Variants in RPUSD3 observed in about 807,000 individuals in gnomAD.
RPUSD3 encodes the protein mitochondrial mRNA pseudouridine synthase RPUSD3.
RPUSD3 carries 36 observed loss-of-function variants against 35.1 expected under a neutral mutation model. The ratio of observed to expected loss-of-function variants is 1.02; its 90% CI spans 0.79 to 1.35. RPUSD3 has a LOEUF of 1.35. Ranked by LOEUF, RPUSD3 falls within the 40% of genes most tolerant of loss-of-function variation. RPUSD3 has a pLI of 0.00. For missense variants in RPUSD3, 486 were observed against 441.9 expected, an observed-to-expected ratio of 1.10 and a Z score of -0.89; for synonymous variants, 202 against 187.8, an observed-to-expected ratio of 1.08 and a Z score of -0.62.
exon 9 of RPUSD3, chr3:9,838,102 C>T (rs529712350): frequency 6.2e-7 from 1 of 1,612,578 alleles, no homozygotes; most frequent in South Asian, 1.1e-5. Flanking sequence ...GTGTCCCTGG[C>T]CCTGGTGCCT....
chr3:9,842,469 C>T (rs1487727962), intron 2 of RPUSD3: 2 of 594,910 alleles, frequency 3.4e-6, no homozygotes, highest in East Asian at 2.8e-5. Flanking sequence ...GGTCTGGCTC[C>T]CTATCATCTT....
At chr3:9,838,203 A>G (rs138227977) in exon 9 of RPUSD3, 1 of 1,611,818 alleles carries the variant, frequency 6.2e-7, no homozygotes, top group African/African-American at 1.3e-5. Flanking sequence ...GGCTTCATCC[A>G]GGACCTGGAG....
intron 2 of RPUSD3, chr3:9,842,486 A>C (rs897040624): frequency 8.6e-6 from 5 of 581,654 alleles, no homozygotes; most frequent in Non-Finnish European, 1.5e-5. Context: ...TCTTGGCTCA[A>C]ATGTCACATC....
chr3:9,839,596 T>A (rs1188215484), intron 7 of RPUSD3: 1 of 155,914 alleles, frequency 6.4e-6, no homozygotes, highest in Non-Finnish European at 1.4e-5. Context: ...TTTTTTTTTT[T>A]AGCCAGCGTT....
intron 7 of RPUSD3, 40 bp from the exon 8 acceptor site, chr3:9,839,211 C>A: frequency 6.3e-7 from 1 of 1,587,820 alleles, no homozygotes. Flanking sequence ...TGGGCAGCTA[C>A]TCGTTCTGTG....
rs927252999 is a variant in RPUSD3, at chr3:9,838,261, T to C, written c.865-54A>G. On this transcript the variant is annotated intron_variant, in intron 8 of 8. Transcript: ENST00000383820. Reference sequence around the variant, plus strand: ...GCCCCACATTTTCCAAGCAGCTGAGTACCCAGCTCTAAGGGAAATGGGAGT... The same window carrying C: ...GCCCCACATTTTCCAAGCAGCTGAGCACCCAGCTCTAAGGGAAATGGGAGT... The C allele has an allele frequency of 3.2e-6, 5 of 1,575,946 alleles. No homozygotes were observed. The African/African-American group carries it at 6.8e-5, about 21-fold the overall frequency.
chr3:9,843,460 C>T lies in RPUSD3; in HGVS notation c.262+5G>A, dbSNP rs373843187. On this transcript the variant is annotated splice_donor_5th_base_variant and intron_variant, in intron 2 of 8. Coordinates refer to ENST00000383820, the Ensembl canonical transcript of RPUSD3. ...CCTTGTGCGGCCGTGCCTCTCACCC[C>T]TCACCTTTCCGGTCCACCACGGCTG... The T allele has an allele frequency of 6.6e-5, 107 of 1,613,770 alleles. No individual in the cohort carries two copies. Among genetic ancestry groups the T allele is most frequent in the Middle Eastern group, 6.6e-4 (4 of 6,082 alleles).
chr3:9,838,081 G>C (rs1325507854), exon 9 of RPUSD3: 27 of 1,611,502 alleles, frequency 1.7e-5, no homozygotes, highest in Non-Finnish European at 2.2e-5. Flanking sequence ...GGTGCCAGGA[G>C]CTCAACAGGG....
Position 9,842,101 on chromosome 3 carries a change from A to G in RPUSD3, c.308-19T>C, listed in dbSNP as rs1559236354. Reference sequence around the variant, plus strand: ...GGTTTTCCTGGAAAGTAAGAAAGAAAAATTACAAGAGGCCAAAGCTTCATG... The same window carrying G: ...GGTTTTCCTGGAAAGTAAGAAAGAAGAATTACAAGAGGCCAAAGCTTCATG... On this transcript the variant is annotated intron_variant, in intron 3 of 8. Coordinates refer to ENST00000383820, the Ensembl canonical transcript of RPUSD3. The G allele has an allele frequency of 6.2e-7, 1 of 1,609,270 alleles. No individual in the cohort carries two copies. The highest frequency in any genetic ancestry group is 8.5e-7 in the Non-Finnish European group (1 of 1,177,016).
chr3:9,843,495 C>A (rs1275498125), exon 2 of RPUSD3: 2 of 1,614,068 alleles, frequency 1.2e-6, no homozygotes, highest in African/African-American at 1.3e-5. Context: ...GCCCGCAGCG[C>A]ATCAACCAGC....
chr3:9,838,267 G>A, intron 8 of RPUSD3, 60 bp from the exon 9 acceptor site: 1 of 1,557,166 alleles, frequency 6.4e-7, no homozygotes, highest in Admixed American at 1.8e-5. Flanking sequence ...TGAGTACCCA[G>A]CTCTAAGGGA....
intron 2 of RPUSD3, 83 bp downstream of exon 2, chr3:9,843,382 C>T: frequency 6.3e-7 from 1 of 1,577,548 alleles, no homozygotes; most frequent in Non-Finnish European, 8.6e-7. Flanking sequence ...CAGGGCTGAT[C>T]CCGTGGCTTC....
chr3:9,843,025 G>A (rs1487522523), intron 2 of RPUSD3: 1 of 170,176 alleles, frequency 5.9e-6, no homozygotes, highest in African/African-American at 2.4e-5. Flanking sequence ...CCGAGTAGCT[G>A]GGATTACAGG....
At chr3:9,842,574 T>C (rs1007163454) in intron 2 of RPUSD3, 1 of 431,186 alleles carries the variant, frequency 2.3e-6, no homozygotes, top group East Asian at 4.5e-5. Context: ...CTGTTTTAGT[T>C]TATGCATAGC....
intron 7 of RPUSD3, 122 bp from the exon 8 acceptor site, chr3:9,839,293 G>A (rs1365273473): frequency 1.5e-5 from 18 of 1,163,086 alleles, no homozygotes; most frequent in Middle Eastern, 2.1e-4. Flanking sequence ...ATGTTTCAGT[G>A]AGGTCAGTAC....
chr3:9,840,794 C>G, exon 5 of RPUSD3: 1 of 1,612,874 alleles, frequency 6.2e-7, no homozygotes, highest in Non-Finnish European at 8.5e-7. Context: ...GAGTACAAGC[C>G]CAGAGCTTTC....
chr3:9,839,167 G>T, exon 8 of RPUSD3: 1 of 1,609,454 alleles, frequency 6.2e-7, no homozygotes, highest in Non-Finnish European at 8.5e-7. Context: ...GTTGACTGGA[G>T]AACACTGGGC....
chr3:9,843,472 G>A (rs1404204739), exon 2 of RPUSD3: 2 of 1,613,772 alleles, frequency 1.2e-6, no homozygotes, highest in Non-Finnish European at 1.7e-6. Context: ...CACCTTTCCG[G>A]TCCACCACGG....
Position 9,840,381 on chromosome 3 carries a change from T to A in RPUSD3, c.601-74A>T, listed in dbSNP as rs750578842. Reference sequence around the variant, plus strand: ...ATACCCAGACCCTCCCTGCTCCCAATAGACTCCGGGCAGGGCCACAGTATA... The same window carrying A: ...ATACCCAGACCCTCCCTGCTCCCAAAAGACTCCGGGCAGGGCCACAGTATA... On this transcript the variant is annotated intron_variant, in intron 6 of 8. Transcript: ENST00000383820. 8 of 1,613,298 alleles carry A rather than the reference T, an allele frequency of 5.0e-6. No homozygotes were observed. The South Asian group carries it at 8.8e-5, about 18-fold the overall frequency.
Sources: gnomAD v4.1 joint callset for allele counts on GRCh38, gnomAD v4.1.1 for gene constraint, MANE v1.5 for transcripts, NCBI Gene and HGNC (gene_info 2026-07-23, HGNC 2026-07-21) for gene names.